The following ANTXR1 variants were observed in gnomAD, a reference collection of about 807,000 sequenced individuals.
The protein encoded by ANTXR1 is ANTXR cell adhesion molecule 1, also known as anthrax toxin receptor 1.
A neutral mutation model predicts 78.1 loss-of-function variants in ANTXR1; 19 were observed. The ratio of observed to expected loss-of-function variants is 0.24; its 90% CI spans 0.17 to 0.36. ANTXR1 has a LOEUF of 0.36. ANTXR1 is among the 10% of genes least tolerant of loss of function. The pLI is 1.00. For synonymous variants in ANTXR1, 273 were observed against 260.5 expected, an observed-to-expected ratio of 1.05 and a Z score of -0.46; for missense variants, 518 against 718.6, an observed-to-expected ratio of 0.72 and a Z score of 3.19.
intron 14 of ANTXR1, among the ~76,000 whole-genome samples, chr2:69,175,408 ACCAGC>A (rs1674093425): frequency 1.5e-5 from 2 of 135,122 alleles, no homozygotes; most frequent in African/African-American, 7.9e-5. Flanking sequence ...GGAGTTCGAG[ACCAGC>A]CTGGGTAACA....
chr2:69,022,308 A>G (rs564410094), intron 1 of ANTXR1, among the ~76,000 whole-genome samples: 5 of 152,304 alleles, frequency 3.3e-5, no homozygotes, highest in Admixed American at 6.5e-5. Flanking sequence ...TTTCATTGTG[A>G]TGGACTGTGG....
intron 8 of ANTXR1, among the ~76,000 whole-genome samples, chr2:69,084,139 A>G (rs75488184): frequency 0.011 from 1,705 of 152,322 alleles, 36 homozygotes; most frequent in African/African-American, 0.039. Context: ...TATAAAAGCA[A>G]CAGCAGAATT....
At chr2:69,189,690 C>T (rs988795232) in intron 16 of ANTXR1, among the ~76,000 whole-genome samples, 3 of 152,106 alleles carry the variant, frequency 2.0e-5, no homozygotes, top group African/African-American at 7.2e-5. Context: ...ACAGAGAGAA[C>T]ATTAACGAGA....
chr2:69,091,916 G>A (rs564692509), intron 9 of ANTXR1, among the ~76,000 whole-genome samples: 50 of 152,248 alleles, frequency 3.3e-4, no homozygotes, highest in South Asian at 3.1e-3. Flanking sequence ...CCACATTGGC[G>A]CTTCTCGTAT....
Position 69,170,124 on chromosome 2 carries a change from G to A in ANTXR1, c.1048-124G>A, listed in dbSNP as rs577090820. The A allele has an allele frequency of 5.3e-5, 55 of 1,038,472 alleles. 2 individuals are homozygous for A. Among genetic ancestry groups the A allele is most frequent in the South Asian group, 4.7e-4 (35 of 75,236 alleles). 64.3% of individuals were successfully genotyped at this position (1,038,472 alleles called of 1,614,324 possible). ...ACCTCTCATGGCAGTGATTAAGCCC[G>A]ACTTGCTGGGGCCATTGCCATGGTA... On this transcript the variant is annotated intron_variant, in intron 13 of 17. Coordinates refer to ENST00000303714, the MANE Select transcript of ANTXR1 (RefSeq NM_032208.3).
At chr2:69,068,463 A>G (rs1670467541) in intron 3 of ANTXR1, among the ~76,000 whole-genome samples, 1 of 152,224 alleles carries the variant, frequency 6.6e-6, no homozygotes, top group Non-Finnish European at 1.5e-5. Flanking sequence ...AATTAGCCCC[A>G]TGAAGAGCTG....
At chr2:69,215,113 A>G (rs372541807) in intron 17 of ANTXR1, among the ~76,000 whole-genome samples, 1 of 152,160 alleles carries the variant, frequency 6.6e-6, no homozygotes, top group Non-Finnish European at 1.5e-5. Context: ...GGCTGCCTCC[A>G]CTTTCTCAGA....
chr2:69,028,083 T>C (rs907968902), intron 1 of ANTXR1, among the ~76,000 whole-genome samples: 7 of 152,072 alleles, frequency 4.6e-5, no homozygotes, highest in African/African-American at 1.7e-4. Flanking sequence ...AAGTGATGAA[T>C]GATAAAATGA....
chr2:69,171,424 G>T (rs754019092), intron 14 of ANTXR1, among the ~76,000 whole-genome samples: 1 of 152,208 alleles, frequency 6.6e-6, no homozygotes, highest in East Asian at 1.9e-4. Flanking sequence ...AGAAAGTACC[G>T]TGGCTAGTTC....
intron 1 of ANTXR1, among the ~76,000 whole-genome samples, chr2:69,022,462 G>T (rs1287956507): frequency 6.6e-6 from 1 of 152,230 alleles, no homozygotes; most frequent in Non-Finnish European, 1.5e-5. Context: ...AGAAGGCAGG[G>T]CAGAGCAGGG....
chr2:69,222,822 T>G (rs1180797398), intron 17 of ANTXR1, among the ~76,000 whole-genome samples: 1 of 152,234 alleles, frequency 6.6e-6, no homozygotes, highest in African/African-American at 2.4e-5. Flanking sequence ...ACATTTGTGG[T>G]GTATAAACCA....
intron 12 of ANTXR1, among the ~76,000 whole-genome samples, chr2:69,144,370 G>T (rs1673159527): frequency 6.6e-6 from 1 of 152,166 alleles, no homozygotes; most frequent in Non-Finnish European, 1.5e-5. Flanking sequence ...TTTGTAATTA[G>T]AACAAGCAGA....
Position 69,245,655 on chromosome 2 carries a change from T to C in ANTXR1, c.*170T>C. ...ATCATGATCAGCTGAAAGAAACAGATATTTTAAATTGCCAGAAAACAAATG... is the reference window on the plus strand; with the variant it reads ...ATCATGATCAGCTGAAAGAAACAGACATTTTAAATTGCCAGAAAACAAATG... On this transcript the variant is annotated 3_prime_UTR_variant, in exon 18 of 18. Coordinates refer to ENST00000303714, the MANE Select transcript of ANTXR1 (RefSeq NM_032208.3). The C allele has an allele frequency of 3.2e-6, 3 of 925,144 alleles. No individual in the cohort carries two copies. Among genetic ancestry groups the C allele is most frequent in the Non-Finnish European group, 4.9e-6 (3 of 617,906 alleles). The allele number at this position is 925,144 out of a possible 1,614,324, so 57.3% of individuals were successfully genotyped here.
rs574861579 is a variant in ANTXR1, at chr2:69,174,781, AT to A, written c.1089+4495del. ...ATAGTGGTTAATTACTGAAGATGAC[AT>A]TTATTGAGCATTTATAACTATCCAG... On this transcript the variant is annotated intron_variant, in intron 14 of 17. Transcript: ENST00000303714. 5.9e-5 allele frequency among the ~76,000 whole-genome samples: 9 copies of A among 152,302 alleles called. No individual in the cohort carries two copies. In the South Asian group the frequency reaches 1.9e-3, roughly 32 times the overall value.
intron 16 of ANTXR1, among the ~76,000 whole-genome samples, chr2:69,187,993 A>G (rs1674461053): frequency 6.8e-6 from 1 of 148,038 alleles, no homozygotes; most frequent in Admixed American, 6.8e-5. Context: ...CCAGCTGGCT[A>G]AGGCAGACAA....
chr2:69,088,714 A>G (rs1389115073), intron 8 of ANTXR1, among the ~76,000 whole-genome samples: 2 of 152,220 alleles, frequency 1.3e-5, no homozygotes, highest in Non-Finnish European at 2.9e-5. Flanking sequence ...AGCAAGTCCC[A>G]GTCCTAATAC....
At chr2:69,058,420 A>G (rs1670132182) in intron 3 of ANTXR1, among the ~76,000 whole-genome samples, 1 of 152,174 alleles carries the variant, frequency 6.6e-6, no homozygotes, top group South Asian at 2.1e-4. Context: ...GAATGATGCT[A>G]AATCTTCTCT....
intron 9 of ANTXR1, among the ~76,000 whole-genome samples, chr2:69,102,493 G>A (rs1246101989): frequency 5.9e-5 from 9 of 152,218 alleles, no homozygotes; most frequent in Non-Finnish European, 1.2e-4. Context: ...GGCTCCCTCC[G>A]GCTACTGAGA....
intron 16 of ANTXR1, 109 bp from the exon 17 acceptor site, chr2:69,193,226 T>C (rs1674582603): frequency 2.4e-6 from 2 of 841,118 alleles, no homozygotes; most frequent in Non-Finnish European, 4.2e-6. Context: ...ATATTGACAG[T>C]GTTGTGTTGT....
Sources: allele counts gnomAD v4.1 joint callset (sites outside exome capture counted in the v4.1 genomes callset), GRCh38; gene constraint gnomAD v4.1.1; transcripts MANE v1.5; gene names NCBI Gene and HGNC (gene_info 2026-07-23, HGNC 2026-07-21).